The following OTUD7A variants were observed in gnomAD, a reference collection of about 807,000 sequenced individuals.
The protein encoded by OTUD7A is OTU deubiquitinase 7A, also known as OTU domain-containing protein 7A.
OTUD7A carries 12 observed loss-of-function variants against 65.7 expected under a neutral mutation model. The ratio of observed to expected loss-of-function variants is 0.18; its 90% CI spans 0.12 to 0.30. The LOEUF (loss-of-function observed/expected upper bound fraction) is 0.30, where lower values mean the gene tolerates loss of function less well. OTUD7A is among the 10% of genes least tolerant of loss of function. The probability of loss-of-function intolerance (pLI) is 1.00; values close to 1 mark genes in which losing one functional copy is unlikely to be tolerated. For missense variants in OTUD7A, 1,148 were observed against 1,304.8 expected (o/e 0.88, Z 1.85); for synonymous variants, 641 against 586.3 (o/e 1.09, Z -1.35).
intron 1 of OTUD7A, among the ~76,000 whole-genome samples, chr15:31,860,799 G>A (rs921256403): frequency 3.4e-5 from 5 of 147,852 alleles, no homozygotes; most frequent in Non-Finnish European, 7.4e-5. Context: ...TACGCCTCCT[G>A]GGTTCACGCC....
At chr15:31,535,131 G>A (rs149439495) in intron 5 of OTUD7A, among the ~76,000 whole-genome samples, 3 of 152,244 alleles carry the variant, frequency 2.0e-5, no homozygotes, top group Non-Finnish European at 4.4e-5. Context: ...CTCTGATATC[G>A]GTTTGGCTCT....
intron 1 of OTUD7A, among the ~76,000 whole-genome samples, chr15:31,720,301 T>C (rs1893699443): frequency 1.3e-5 from 2 of 151,854 alleles, no homozygotes; most frequent in African/African-American, 2.4e-5. Context: ...TTCCAGTCAA[T>C]GGTCTGCATA....
chr15:31,801,853 A>T (rs1000042641), intron 1 of OTUD7A, among the ~76,000 whole-genome samples: 9 of 152,078 alleles, frequency 5.9e-5, no homozygotes, highest in Non-Finnish European at 1.3e-4. Context: ...TATGTTTTTT[A>T]TTTATATATT....
intron 3 of OTUD7A, among the ~76,000 whole-genome samples, chr15:31,618,185 A>G (rs892884182): frequency 1.4e-4 from 21 of 152,102 alleles, no homozygotes; most frequent in Admixed American, 3.3e-4. Context: ...TCATTGATGG[A>G]CATTTGGGTT....
chr15:31,507,009 G>T (rs2041583065), intron 8 of OTUD7A, among the ~76,000 whole-genome samples: 2 of 152,172 alleles, frequency 1.3e-5, no homozygotes, highest in African/African-American at 4.8e-5. Flanking sequence ...AGTGTGAATG[G>T]AATATTTTAG....
chr15:31,818,398 A>G lies in OTUD7A; in HGVS notation c.-100+52109T>C, dbSNP rs540030027. 3.3e-5 allele frequency among the ~76,000 whole-genome samples: 5 copies of G among 152,356 alleles called. No individual in the cohort carries two copies. The East Asian group carries it at 7.7e-4, about 24-fold the overall frequency. On this transcript the variant is annotated intron_variant, in intron 1 of 12. Coordinates refer to ENST00000307050, the MANE Select transcript of OTUD7A (RefSeq NM_001382637.1). ...CATCTCTCTTTATAGGGAGAAAAAA[A>G]TAGAAACCACTAACATTTTCAACAA...
intron 3 of OTUD7A, among the ~76,000 whole-genome samples, chr15:31,616,178 T>C (rs529240839): frequency 6.6e-6 from 1 of 152,364 alleles, no homozygotes; most frequent in African/African-American, 2.4e-5. Flanking sequence ...TCATGCTTTC[T>C]GGCATGTGAA....
intron 1 of OTUD7A, among the ~76,000 whole-genome samples, chr15:31,684,955 A>G (rs1463889353): frequency 2.0e-5 from 3 of 150,002 alleles, no homozygotes; most frequent in Admixed American, 6.7e-5. Flanking sequence ...TGTGCAGGCC[A>G]AAAAGCAGCA....
intron 5 of OTUD7A, among the ~76,000 whole-genome samples, chr15:31,543,322 T>A (rs1366156142): frequency 6.6e-6 from 1 of 151,860 alleles, no homozygotes; most frequent in Non-Finnish European, 1.5e-5. Flanking sequence ...GTAGAATTTT[T>A]AAAAAGACAT....
chr15:31,740,049 A>T (rs1218724233), intron 1 of OTUD7A, among the ~76,000 whole-genome samples: 1 of 152,196 alleles, frequency 6.6e-6, no homozygotes, highest in Non-Finnish European at 1.5e-5. Context: ...GACTACTACC[A>T]CGGTGAAAAG....
chr15:31,726,272 TC>T, intron 1 of OTUD7A, among the ~76,000 whole-genome samples: 1 of 152,180 alleles, frequency 6.6e-6, no homozygotes, highest in African/African-American at 2.4e-5. Flanking sequence ...CCTGGATAGT[TC>T]CTACATGACT....
In OTUD7A at chr15:31,570,002, A is replaced by G; in HGVS notation, c.331+16T>C. On this transcript the variant is annotated intron_variant, in intron 4 of 12. Transcript: ENST00000307050. The stretch of plus-strand genomic sequence containing the variant: ...GGCCTGGGCGGCTGTGCCTAGGCTC[A>G]GTCCCTCAGCGGTACCTTGGGCAAT... 6.2e-7 allele frequency: 1 copy of G among 1,613,030 alleles called. No homozygotes were observed. The highest frequency in any genetic ancestry group is 8.5e-7 in the Non-Finnish European group (1 of 1,179,832).
chr15:31,647,175 C>T (rs8030984), intron 3 of OTUD7A, among the ~76,000 whole-genome samples: 46,752 of 151,854 alleles, frequency 0.31, 8,433 homozygotes, highest in African/African-American at 0.5. Context: ...GTCCCAGCCC[C>T]GGCCAAGGGC....
intron 1 of OTUD7A, among the ~76,000 whole-genome samples, chr15:31,854,826 AC>A (rs1284343440): frequency 2.4e-4 from 36 of 152,052 alleles, no homozygotes; most frequent in African/African-American, 8.7e-4. Context: ...AAAAAAAAAA[AC>A]AACAACAACA....
chr15:31,864,493 G>C lies in OTUD7A; in HGVS notation c.-100+6014C>G, dbSNP rs555724630. Among the ~76,000 whole-genome samples the C allele has an allele frequency of 5.3e-5, 8 of 152,186 alleles. No homozygotes were observed. In the South Asian group the frequency reaches 1.5e-3, roughly 28 times the overall value. ...TGGTGGCAAGAGAAAAATGAAGAGGGAGCAAAAGCAGAAACCCCTGATAAA... is the reference window on the plus strand; with the variant it reads ...TGGTGGCAAGAGAAAAATGAAGAGGCAGCAAAAGCAGAAACCCCTGATAAA... On this transcript the variant is annotated intron_variant, in intron 1 of 12. Transcript: ENST00000307050.
At chr15:31,803,353 C>A (rs925761506) in intron 1 of OTUD7A, among the ~76,000 whole-genome samples, 3 of 152,194 alleles carry the variant, frequency 2.0e-5, no homozygotes, top group Non-Finnish European at 4.4e-5. Flanking sequence ...CCCTTCATTT[C>A]TTACCTATTC....
intron 1 of OTUD7A, among the ~76,000 whole-genome samples, chr15:31,829,954 T>C (rs905425): frequency 0.94 from 142,480 of 152,238 alleles, 67,395 homozygotes; most frequent in East Asian, 1. Flanking sequence ...CCCTTCTCTT[T>C]GTCTTTCTCA....
intron 1 of OTUD7A, among the ~76,000 whole-genome samples, chr15:31,753,595 C>T (rs921932455): frequency 3.3e-5 from 5 of 150,130 alleles, no homozygotes; most frequent in African/African-American, 1.2e-4. Context: ...ATAATGGTCT[C>T]CAATCTCATC....
chr15:31,563,919 A>G (rs1447114393), intron 4 of OTUD7A, among the ~76,000 whole-genome samples: 1 of 116,572 alleles, frequency 8.6e-6, no homozygotes, highest in African/African-American at 2.9e-5. Flanking sequence ...CCTGTGCTCC[A>G]GCACAGTGAA....
Sources: gnomAD v4.1 joint callset for allele counts (sites outside exome capture counted in the v4.1 genomes callset) on GRCh38, gnomAD v4.1.1 for gene constraint, MANE v1.5 for transcripts, NCBI Gene and HGNC (gene_info 2026-07-23, HGNC 2026-07-21) for gene names.